UBR1: variants seen among roughly 807,000 people sequenced by gnomAD.
The protein encoded by UBR1 is E3 ubiquitin-protein ligase UBR1.
A neutral mutation model predicts 242.1 loss-of-function variants in UBR1; 102 were observed. The ratio of observed to expected loss-of-function variants is 0.42; its 90% CI spans 0.36 to 0.50. UBR1 has a LOEUF of 0.50. UBR1 is among the 20% of genes least tolerant of loss of function. The pLI, the probability that UBR1 is intolerant of heterozygous loss-of-function variation, is 0.01. For synonymous variants in UBR1, 675 were observed against 684.8 expected (o/e 0.99, Z 0.22); for missense variants, 1,772 against 2,101.8 (o/e 0.84, Z 3.07).
intron 30 of UBR1, among the ~76,000 whole-genome samples, chr15:43,004,466 T>G (rs918751170): frequency 1.3e-5 from 2 of 152,174 alleles, no homozygotes; most frequent in African/African-American, 4.8e-5. Context: ...CTCGGCTCAC[T>G]GCAACCTCCC....
chr15:42,957,429 A>ATT (rs2031940917), intron 44 of UBR1, among the ~76,000 whole-genome samples: 1 of 152,206 alleles, frequency 6.6e-6, no homozygotes, highest in African/African-American at 2.4e-5. Flanking sequence ...CAAACTAAAG[A>ATT]GGTGGTGATT....
intron 2 of UBR1, 105 bp downstream of exon 2, chr15:43,085,879 C>G (rs950307598): frequency 8.7e-6 from 11 of 1,258,170 alleles, no homozygotes; most frequent in Non-Finnish European, 1.2e-5. Flanking sequence ...GGAGATCGCA[C>G]CACTGCACTC....
intron 3 of UBR1, among the ~76,000 whole-genome samples, chr15:43,078,339 G>A (rs1023225355): frequency 6.6e-6 from 1 of 152,116 alleles, no homozygotes; most frequent in African/African-American, 2.4e-5. Context: ...AAATTCTATA[G>A]AAATGAGAGA....
At chr15:43,075,813 C>T (rs957029379) in intron 3 of UBR1, among the ~76,000 whole-genome samples, 2 of 151,966 alleles carry the variant, frequency 1.3e-5, no homozygotes, top group East Asian at 1.9e-4. Context: ...CGGGGTTTCT[C>T]TACGTTGGTC....
At chr15:43,039,264 T>C (rs980362800) in intron 15 of UBR1, among the ~76,000 whole-genome samples, 1 of 152,128 alleles carries the variant, frequency 6.6e-6, no homozygotes. Context: ...CAAGAAAACG[T>C]AGGGAAAAGC....
At chr15:43,003,451 TTA>T (rs1309295945) in intron 31 of UBR1, 1 of 306,050 alleles carries the variant, frequency 3.3e-6, no homozygotes, top group Non-Finnish European at 6.3e-6. Context: ...AGACAGGGTT[TTA>T]CCACGTTGGC....
intron 1 of UBR1, among the ~76,000 whole-genome samples, chr15:43,101,541 C>T (rs1463311941): frequency 6.6e-6 from 1 of 152,130 alleles, no homozygotes; most frequent in Non-Finnish European, 1.5e-5. Flanking sequence ...ATATATGACA[C>T]AACCAAGGCC....
intron 37 of UBR1, among the ~76,000 whole-genome samples, chr15:42,982,626 C>T (rs1023207208): frequency 3.3e-5 from 5 of 152,020 alleles, no homozygotes; most frequent in East Asian, 1.9e-4. Context: ...ACAGGATGAG[C>T]GGAAAGCTGC....
At chr15:42,977,053 C>T (rs544076034) in intron 38 of UBR1, among the ~76,000 whole-genome samples, 186 bp from the exon 39 acceptor site, 37 of 152,216 alleles carry the variant, frequency 2.4e-4, no homozygotes, top group Admixed American at 1.7e-3. Context: ...AAATGGAGGA[C>T]GATGATCACC....
chr15:43,058,491 C>T, intron 9 of UBR1, 62 bp from the exon 10 acceptor site: 1 of 1,161,546 alleles, frequency 8.6e-7, no homozygotes, highest in Non-Finnish European at 1.3e-6. Flanking sequence ...AAACCAAAAA[C>T]ATTCTGGCTA....
intron 1 of UBR1, 31 bp downstream of exon 1, chr15:43,105,911 G>A (rs564397814): frequency 1.9e-6 from 3 of 1,594,904 alleles, no homozygotes; most frequent in South Asian, 2.2e-5. Context: ...ACCGGGGGGA[G>A]GACAAAAGAG....
chr15:42,952,250 T>A, intron 45 of UBR1, 28 bp downstream of exon 45: 2 of 1,614,156 alleles, frequency 1.2e-6, no homozygotes, highest in Non-Finnish European at 8.5e-7. Flanking sequence ...AAGTTCATCA[T>A]GAAGCTTCCA....
chr15:43,102,600 A>G (rs2034251005), intron 1 of UBR1, among the ~76,000 whole-genome samples: 1 of 152,244 alleles, frequency 6.6e-6, no homozygotes, highest in Non-Finnish European at 1.5e-5. Flanking sequence ...GACAGAAGGC[A>G]GAAGTTCTGG....
intron 30 of UBR1, among the ~76,000 whole-genome samples, chr15:43,005,139 C>T (rs1426800103): frequency 2.0e-5 from 3 of 151,766 alleles, no homozygotes; most frequent in South Asian, 2.1e-4. Context: ...CCCCTCCGCC[C>T]GGCAGCCACC....
intron 28 of UBR1, 111 bp from the exon 29 acceptor site, chr15:43,015,980 T>C (rs2033018251): frequency 2.2e-6 from 2 of 927,782 alleles, no homozygotes; most frequent in East Asian, 2.5e-5. Context: ...TGATTACCCC[T>C]TACATCCTGG....
chr15:42,970,726 C>CA, intron 39 of UBR1, 119 bp from the exon 40 acceptor site: 2 of 738,068 alleles, frequency 2.7e-6, no homozygotes, highest in Non-Finnish European at 4.3e-6. Flanking sequence ...AGGTTCTTTC[C>CA]TTTTTTTTTT....
intron 1 of UBR1, among the ~76,000 whole-genome samples, chr15:43,103,029 G>A (rs1596146253): frequency 6.6e-6 from 1 of 152,298 alleles, no homozygotes; most frequent in East Asian, 1.9e-4. Flanking sequence ...TCAGCCAGGT[G>A]TGGTGGAACA....
intron 46 of UBR1, 139 bp downstream of exon 46, chr15:42,950,123 G>A (rs2031806528): frequency 3.7e-6 from 3 of 816,076 alleles, no homozygotes; most frequent in Non-Finnish European, 6.2e-6. Context: ...ACAGGTATAA[G>A]CCACGGTGTC....
At chr15:43,010,898 G>C (rs1379589913) in intron 29 of UBR1, among the ~76,000 whole-genome samples, 1 of 151,988 alleles carries the variant, frequency 6.6e-6, no homozygotes, top group Non-Finnish European at 1.5e-5. Context: ...GTGGAGAAGG[G>C]AGAATCGCTT....
Sources: allele counts gnomAD v4.1 joint callset (sites outside exome capture counted in the v4.1 genomes callset), GRCh38; gene constraint gnomAD v4.1.1; transcripts MANE v1.5; gene names NCBI Gene and HGNC (gene_info 2026-07-23, HGNC 2026-07-21).